The following ISM1 variants were observed in gnomAD, a reference collection of about 807,000 sequenced individuals.
The protein encoded by ISM1 is isthmin 1.
ISM1 carries 25 observed loss-of-function variants against 46.3 expected under a neutral mutation model. The observed-to-expected ratio is 0.54, with a 90% CI of 0.39 to 0.75. ISM1 has a LOEUF of 0.75. Ranked by LOEUF, ISM1 falls within the 30% of genes least tolerant of loss-of-function variation. The pLI is 0.00. For missense variants in ISM1, 536 were observed against 625.4 expected (o/e 0.86, Z 1.52); for synonymous variants, 255 against 256.7 (o/e 0.99, Z 0.06).
At chr20:13,252,612 G>T (rs149979384) in intron 1 of ISM1, among the ~76,000 whole-genome samples, 1 of 152,214 alleles carries the variant, frequency 6.6e-6, no homozygotes, top group African/African-American at 2.4e-5. Context: ...TACATTAGCT[G>T]GGTGTGGTGG....
intron 1 of ISM1, among the ~76,000 whole-genome samples, chr20:13,261,257 T>C (rs891463592): frequency 1.3e-5 from 2 of 151,662 alleles, no homozygotes; most frequent in Non-Finnish European, 1.5e-5. Flanking sequence ...CTACTAAAAA[T>C]ATAAAAAATT....
At chr20:13,268,165 T>C (rs1051781394) in intron 1 of ISM1, among the ~76,000 whole-genome samples, 1,770 of 118,782 alleles carry the variant, frequency 0.015, 37 homozygotes, top group African/African-American at 0.044. Context: ...CCTTCCCTTC[T>C]CTCCTCTCCT....
At chr20:13,265,281 C>CA (rs2040030907) in intron 1 of ISM1, among the ~76,000 whole-genome samples, 1 of 152,166 alleles carries the variant, frequency 6.6e-6, no homozygotes, top group Non-Finnish European at 1.5e-5. Flanking sequence ...TATTTCAGTT[C>CA]AAACATTGCT....
chr20:13,280,468 G>C (rs541523887), intron 3 of ISM1, among the ~76,000 whole-genome samples: 5 of 151,734 alleles, frequency 3.3e-5, no homozygotes, highest in African/African-American at 1.2e-4. Context: ...GGATAAGTGA[G>C]GTAACACCTT....
At position 13,279,680 on chromosome 20, in the gene ISM1, A is replaced by T. The variant is rs777041744; in HGVS notation, c.425A>T (p.Asp142Val). The change falls in exon 3 of 6, where the codon GAT (aspartate) becomes GTT (valine). Residue 142 changes from aspartate to valine, a missense_variant. Around this residue, in one of 2 missense-constraint regions of ISM1, gnomAD observed 367 missense variants for 376.1 expected, o/e 0.98. Transcript: ENST00000262487. ...VDGPDSEADKDQHPENKPSWS... is the reference protein window; with the variant it reads ...VDGPDSEADKVQHPENKPSWS... ...GGTCCTGACTCTGAAGCAGATAAAGATCAGCATCCGGAGAATAAGCCCAGC... is the reference window on the plus strand; with the variant it reads ...GGTCCTGACTCTGAAGCAGATAAAGTTCAGCATCCGGAGAATAAGCCCAGC... The T allele has an allele frequency of 6.2e-7, 1 of 1,613,994 alleles. No individual in the cohort carries two copies. The highest frequency in any genetic ancestry group is 2.2e-5 in the East Asian group (1 of 44,892).
chr20:13,283,359 C>T (rs2040257754), intron 3 of ISM1, among the ~76,000 whole-genome samples: 1 of 152,128 alleles, frequency 6.6e-6, no homozygotes, highest in South Asian at 2.1e-4. Flanking sequence ...CGTGCAGCCT[C>T]GTCTGAGACA....
downstream of ISM1, among the ~76,000 whole-genome samples, chr20:13,301,699 T>G (rs1435175136): frequency 6.6e-6 from 1 of 152,128 alleles, no homozygotes; most frequent in East Asian, 1.9e-4. Context: ...TGAGGAAATT[T>G]TTTTTGCAAA....
chr20:13,291,625 G>A (rs2040353773), intron 4 of ISM1, among the ~76,000 whole-genome samples: 1 of 152,164 alleles, frequency 6.6e-6, no homozygotes, highest in African/African-American at 2.4e-5. Context: ...GTGGTAGTTT[G>A]GGTGAGCCAG....
Position 13,270,484 on chromosome 20 carries a change from T to G in ISM1, c.139-20T>G. On this transcript the variant is annotated intron_variant, in intron 1 of 5. Coordinates refer to ENST00000262487, the MANE Select transcript of ISM1 (RefSeq NM_080826.2). ...ATCATGTGTCTCCTTAACAGGTGTT[T>G]GCTTGTTTGTTTGTTTTAGAATAAC... The G allele has an allele frequency of 6.2e-7, 1 of 1,601,174 alleles. No individual in the cohort carries two copies. The highest frequency in any genetic ancestry group is 8.5e-7 in the Non-Finnish European group (1 of 1,173,560).
intron 1 of ISM1, among the ~76,000 whole-genome samples, chr20:13,260,203 A>G (rs552142700): frequency 2.0e-5 from 3 of 152,334 alleles, no homozygotes; most frequent in Admixed American, 6.5e-5. Flanking sequence ...ACCTCTGGCC[A>G]TATGTGGCCT....
At chr20:13,270,356 TG>T in intron 1 of ISM1, 147 bp from the exon 2 acceptor site, 1 of 821,864 alleles carries the variant, frequency 1.2e-6, no homozygotes, top group Non-Finnish European at 1.9e-6. Context: ...AACTAAACCA[TG>T]GGTTTGCAAA....
At chr20:13,287,901 C>T (rs1380752021) in intron 3 of ISM1, among the ~76,000 whole-genome samples, 2 of 152,142 alleles carry the variant, frequency 1.3e-5, no homozygotes. Flanking sequence ...TCAGGCAGGG[C>T]CACTGGGTAG....
downstream of ISM1, among the ~76,000 whole-genome samples, chr20:13,305,216 A>C (rs2040490833): frequency 6.8e-6 from 1 of 146,348 alleles, no homozygotes; most frequent in South Asian, 2.2e-4. Context: ...AAAAAAAAAA[A>C]AAACCCTTAA....
intron 1 of ISM1, among the ~76,000 whole-genome samples, chr20:13,225,043 C>T (rs796532007): frequency 1.1e-3 from 169 of 149,640 alleles, no homozygotes; most frequent in African/African-American, 3.8e-3. Context: ...TTAGTAGAGA[C>T]GGGGTTTCAC....
chr20:13,284,377 C>T (rs1031713888), intron 3 of ISM1, among the ~76,000 whole-genome samples: 10 of 152,222 alleles, frequency 6.6e-5, no homozygotes, highest in Non-Finnish European at 1.2e-4. Flanking sequence ...GTTTTATTTC[C>T]TCCTTGAGTT....
chr20:13,269,243 G>A (rs1409758886), intron 1 of ISM1, among the ~76,000 whole-genome samples: 2 of 152,170 alleles, frequency 1.3e-5, no homozygotes, highest in African/African-American at 4.8e-5. Context: ...ACATGAAAAT[G>A]CTATCCCTGA....
At chr20:13,225,039 G>C (rs1485875441) in intron 1 of ISM1, among the ~76,000 whole-genome samples, 1 of 147,972 alleles carries the variant, frequency 6.8e-6, no homozygotes, top group Non-Finnish European at 1.5e-5. Flanking sequence ...ATTTTTAGTA[G>C]AGACGGGGTT....
chr20:13,245,091 T>C (rs768434984), intron 1 of ISM1, among the ~76,000 whole-genome samples: 1 of 152,206 alleles, frequency 6.6e-6, no homozygotes, highest in South Asian at 2.1e-4. Flanking sequence ...TGCCACCCCA[T>C]GTTGGTTAAA....
At chr20:13,319,367 C>G in the ISM1 span, among the ~76,000 whole-genome samples, 3 of 152,062 alleles carry the variant, frequency 2.0e-5, no homozygotes, top group East Asian at 5.8e-4. Context: ...TAATCAGAAA[C>G]TGGAAGTTAT....
Sources: allele counts gnomAD v4.1 joint callset (sites outside exome capture counted in the v4.1 genomes callset), GRCh38; gene constraint gnomAD v4.1.1; regional missense constraint gnomAD v4.1.1; transcripts MANE v1.5; gene names NCBI Gene and HGNC (gene_info 2026-07-23, HGNC 2026-07-21).